The following ADA variants were observed in gnomAD, a reference collection of about 807,000 sequenced individuals.
ADA encodes the protein adenosine deaminase, also known as adenosine aminohydrolase.
A neutral mutation model predicts 49.0 loss-of-function variants in ADA; 45 were observed. The observed-to-expected ratio is 0.92, with a 90% CI of 0.72 to 1.18. ADA has a LOEUF of 1.18. Ranked by LOEUF, ADA falls within the 50% of genes most tolerant of loss-of-function variation. The probability of loss-of-function intolerance (pLI) is 0.00; values close to 1 mark genes in which losing one functional copy is unlikely to be tolerated. For synonymous variants in ADA, 173 were observed against 184.2 expected (o/e 0.94, Z 0.49); for missense variants, 445 against 472.5 (o/e 0.94, Z 0.54).
chr20:44,645,090 A>G (rs539750802), intron 1 of ADA, among the ~76,000 whole-genome samples: 1 of 152,140 alleles, frequency 6.6e-6, no homozygotes, highest in Non-Finnish European at 1.5e-5. Context: ...TGATGCTAAC[A>G]TCTAAACAGG....
intron 11 of ADA, 72 bp downstream of exon 11, chr20:44,620,227 C>G (rs1454774037): frequency 7.6e-7 from 1 of 1,323,396 alleles, no homozygotes; most frequent in Non-Finnish European, 1.1e-6. Flanking sequence ...GGGCATCTTG[C>G]TAGAAGTCCC....
rs1044335093 is a variant in ADA, at chr20:44,629,156, C to T, written c.109G>A (p.Ala37Thr). 9 of 1,614,170 alleles carry T rather than the reference C, an allele frequency of 5.6e-6. No homozygotes were observed. The highest frequency in any genetic ancestry group is 1.7e-5 in the Admixed American group (1 of 60,030). ...ILYYGRRRGI[A>T]LPANTAEGLL... ...CCCTCTGCTGTGTTAGCTGGGAGGG[C>T]GATCCCTCTCCTCCTGGAAACAAAA... The change falls in exon 3 of 12, where the codon GCC becomes ACC. Residue 37 changes from alanine to threonine, a missense_variant. Physicochemically the swap from Ala to Thr is moderately conservative, Grantham distance 58. Coordinates refer to ENST00000372874, the MANE Select transcript of ADA (RefSeq NM_000022.4).
intron 3 of ADA, among the ~76,000 whole-genome samples, chr20:44,627,350 T>A (rs554668052): frequency 2.0e-5 from 3 of 152,012 alleles, no homozygotes; most frequent in Non-Finnish European, 4.4e-5. Flanking sequence ...CCCGGCTAAT[T>A]TTTTGTATTT....
chr20:44,636,505 C>T (rs191078533), intron 1 of ADA, among the ~76,000 whole-genome samples: 3 of 152,242 alleles, frequency 2.0e-5, no homozygotes, highest in South Asian at 2.1e-4. Flanking sequence ...GCTGTTATCT[C>T]GATCTCTTTC....
At chr20:44,626,631 C>G in intron 3 of ADA, 32 bp from the exon 4 acceptor site, 1 of 1,613,004 alleles carries the variant, frequency 6.2e-7, no homozygotes, top group South Asian at 1.1e-5. Flanking sequence ...TGGGAACAAC[C>G]TTCCCCAAGT....
At position 44,620,378 on chromosome 20, in the gene ADA, A is replaced by G. The variant is rs1600915438; in HGVS notation, c.999T>C (p.Ser333=). ...CCCTCTTTTCATCTTCTGGGAGGAA[A>G]CTAGATTTGGCCGCATTGATGTTCT... is the stretch of plus-strand genomic sequence containing the variant. ...KRLNINAAKS[S]FLPEDEKREL... The change falls in exon 11 of 12, where the codon AGT becomes AGC. Residue 333 remains serine (S), a synonymous_variant. Transcript: ENST00000372874. 1 of 1,614,200 alleles carries G rather than the reference A, an allele frequency of 6.2e-7. No homozygotes were observed. The highest frequency in any genetic ancestry group is 8.5e-7 in the Non-Finnish European group (1 of 1,180,040).
chr20:44,645,966 GC>G (rs1271033669), intron 1 of ADA, among the ~76,000 whole-genome samples: 1 of 152,120 alleles, frequency 6.6e-6, no homozygotes, highest in East Asian at 1.9e-4. Flanking sequence ...CTGAGGGCAA[GC>G]CTACCCCCAA....
At chr20:44,620,575 G>T in intron 10 of ADA, 174 bp from the exon 11 acceptor site, 1 of 679,470 alleles carries the variant, frequency 1.5e-6, no homozygotes, top group Non-Finnish European at 2.7e-6. Context: ...ATGAGGTCGT[G>T]TTCTTAATTT....
chr20:44,635,970 C>T, intron 2 of ADA: 1 of 532,872 alleles, frequency 1.9e-6, no homozygotes, highest in South Asian at 2.2e-5. Context: ...GTGGGGAGAG[C>T]AGGCTCAGGC....
At chr20:44,641,049 C>T (rs1359126303) in intron 1 of ADA, among the ~76,000 whole-genome samples, 1 of 152,140 alleles carries the variant, frequency 6.6e-6, no homozygotes, top group Admixed American at 6.5e-5. Context: ...CAACTTGTCA[C>T]GGCAGCCACA....
chr20:44,623,751 C>CTTT (rs34833873), intron 6 of ADA, among the ~76,000 whole-genome samples: 1 of 132,920 alleles, frequency 7.5e-6, no homozygotes, highest in Admixed American at 7.6e-5. Flanking sequence ...TTCTTTCTTC[C>CTTT]TTTTTTTTTT....
intron 1 of ADA, among the ~76,000 whole-genome samples, chr20:44,644,629 G>A (rs2145354950): frequency 6.6e-6 from 1 of 152,376 alleles, no homozygotes; most frequent in East Asian, 1.9e-4. Context: ...CAGGGTCAGT[G>A]ACTTATGCCA....
rs1555848964 is a variant in ADA at position 44,651,631 on chromosome 20, T to TGCTCACTCCGCCGCC, written c.-25_-24insGGCGGCGGAGTGAGC. ...ATGGTGCCCTCGTGCGCCCCGGCGC[T>TGCTCACTCCGCCGCC]GCTCCCTCCGCCGCCGCTCGGTGGG... is the stretch of plus-strand genomic sequence containing the variant. On this transcript the variant is annotated 5_prime_UTR_variant, in exon 1 of 12. Transcript: ENST00000372874. 3.3e-6 allele frequency: 5 copies of TGCTCACTCCGCCGCC among 1,510,470 alleles called. No homozygotes were observed. Among genetic ancestry groups the TGCTCACTCCGCCGCC allele is most frequent in the Non-Finnish European group, 4.4e-6 (5 of 1,137,192 alleles). 93.6% of individuals were successfully genotyped at this position (1,510,470 alleles called of 1,614,324 possible).
At chr20:44,636,931 GA>G in intron 1 of ADA, among the ~76,000 whole-genome samples, 1 of 152,150 alleles carries the variant, frequency 6.6e-6, no homozygotes, top group African/African-American at 2.4e-5. Context: ...TCAGCCTCCG[GA>G]GTAGCTGGGA....
At chr20:44,627,952 G>A (rs930266784) in intron 3 of ADA, among the ~76,000 whole-genome samples, 2 of 152,216 alleles carry the variant, frequency 1.3e-5, no homozygotes, top group Admixed American at 6.5e-5. Context: ...GGAGCAGAGC[G>A]GACAAATGCT....
At chr20:44,636,569 C>T (rs887796297) in intron 1 of ADA, among the ~76,000 whole-genome samples, 5 of 152,156 alleles carry the variant, frequency 3.3e-5, no homozygotes, top group African/African-American at 1.2e-4. Context: ...CAAGGCCACA[C>T]AGATTGCAAG....
chr20:44,620,615 G>C, intron 10 of ADA: 4 of 621,862 alleles, frequency 6.4e-6, no homozygotes, highest in Non-Finnish European at 8.7e-6. Flanking sequence ...CTGTGAGAAG[G>C]AAGTTGGAGA....
Position 44,622,554 on chromosome 20 carries a change from C to T in ADA, c.845+34G>A, listed in dbSNP as rs761572248. 6.8e-6 allele frequency: 11 copies of T among 1,613,934 alleles called. No homozygotes were observed. In the South Asian group the frequency reaches 1.1e-4, roughly 16 times the overall value. On this transcript the variant is annotated intron_variant, in intron 9 of 11. Coordinates refer to ENST00000372874, the MANE Select transcript of ADA (RefSeq NM_000022.4). ...TCTTCCCTCTTTGGCCTTCCTGGAA[C>T]AAAATTGAACAGGCCCAGGGGAACA...
chr20:44,624,042 G>A (rs571204854), intron 6 of ADA, 160 bp downstream of exon 6: 205 of 1,053,554 alleles, frequency 1.9e-4, no homozygotes, highest in South Asian at 5.5e-4. Context: ...CACCACGCCT[G>A]GCCCAGGGGG....
Sources: gnomAD v4.1 joint callset for allele counts (sites outside exome capture counted in the v4.1 genomes callset) on GRCh38, gnomAD v4.1.1 for gene constraint, MANE v1.5 for transcripts, NCBI Gene and HGNC (gene_info 2026-07-23, HGNC 2026-07-21) for gene names.